The following GRID1 variants were observed in gnomAD, a reference collection of about 807,000 sequenced individuals.
GRID1 encodes the protein glutamate receptor ionotropic, delta-1.
Under a neutral mutation model 98.0 loss-of-function variants are expected in GRID1, and 28 were observed. That is an observed-to-expected ratio of 0.29 (90% CI 0.21 to 0.39). The LOEUF (loss-of-function observed/expected upper bound fraction) is 0.39. Among genes scored for constraint, GRID1 ranks in the 10% least tolerant of loss-of-function variants. The pLI is 1.00. For missense variants in GRID1, 1,111 were observed against 1,340.5 expected (o/e 0.83, Z 2.67); for synonymous variants, 553 against 538.5 (o/e 1.03, Z -0.37).
chr10:86,005,464 T>C (rs911971203), intron 4 of GRID1, among the ~76,000 whole-genome samples: 1 of 152,160 alleles, frequency 6.6e-6, no homozygotes, highest in Non-Finnish European at 1.5e-5. Context: ...GTTAATCATG[T>C]AGATTAGGTA....
intron 2 of GRID1, among the ~76,000 whole-genome samples, chr10:86,288,463 C>G (rs904279481): frequency 1.3e-5 from 2 of 152,176 alleles, no homozygotes; most frequent in African/African-American, 4.8e-5. Flanking sequence ...AGGAAGCAAC[C>G]ACACTGCTAT....
chr10:85,603,529 A>G (rs544828242), intron 15 of GRID1, among the ~76,000 whole-genome samples: 29 of 152,394 alleles, frequency 1.9e-4, no homozygotes, highest in Middle Eastern at 3.4e-3. Flanking sequence ...AAAACAAAAC[A>G]GAACAAATAT....
chr10:86,196,192 T>A (rs1328597580), intron 3 of GRID1, among the ~76,000 whole-genome samples: 2 of 151,974 alleles, frequency 1.3e-5, no homozygotes, highest in Non-Finnish European at 2.9e-5. Context: ...ACAGGTTTCC[T>A]CCATCTGCAG....
intron 2 of GRID1, among the ~76,000 whole-genome samples, chr10:86,247,056 G>C (rs114292639): frequency 0.012 from 1,883 of 152,338 alleles, 36 homozygotes; most frequent in African/African-American, 0.042. Context: ...GAACACCACA[G>C]GTGTCAGTAA....
At chr10:86,197,498 T>C (rs1845893418) in intron 3 of GRID1, among the ~76,000 whole-genome samples, 1 of 152,050 alleles carries the variant, frequency 6.6e-6, no homozygotes, top group Non-Finnish European at 1.5e-5. Context: ...CTCTCATGTG[T>C]GGAGCAAAGG....
intron 2 of GRID1, among the ~76,000 whole-genome samples, chr10:86,212,210 C>T (rs961104295): frequency 2.0e-5 from 3 of 152,210 alleles, no homozygotes; most frequent in African/African-American, 4.8e-5. Flanking sequence ...AGTCACGACA[C>T]TGGCCACTGC....
At chr10:86,014,186 C>A (rs1477619111) in intron 4 of GRID1, among the ~76,000 whole-genome samples, 3 of 152,194 alleles carry the variant, frequency 2.0e-5, no homozygotes, top group African/African-American at 7.2e-5. Context: ...AGTGAGGATG[C>A]TGTATGGAAC....
chr10:86,307,929 T>C (rs903397808), intron 2 of GRID1, among the ~76,000 whole-genome samples: 4 of 152,244 alleles, frequency 2.6e-5, no homozygotes, highest in Non-Finnish European at 5.9e-5. Flanking sequence ...ATCTACGCTC[T>C]GAACAAATTT....
intron 5 of GRID1, among the ~76,000 whole-genome samples, chr10:85,877,453 A>ACAGCCACCG (rs1564616160): frequency 6.6e-5 from 10 of 151,934 alleles, no homozygotes; most frequent in Non-Finnish European, 1.5e-4. Flanking sequence ...ACCAAAATCC[A>ACAGCCACCG]CTGTTCTACA....
At chr10:85,740,999 C>G (rs184050611) in intron 8 of GRID1, among the ~76,000 whole-genome samples, 217 of 152,212 alleles carry the variant, frequency 1.4e-3, no homozygotes, top group African/African-American at 4.9e-3. Flanking sequence ...GGTGATCCAC[C>G]CACCTCAGCC....
chr10:85,946,930 C>T lies in GRID1; in HGVS notation c.727-30691G>A, dbSNP rs1564632986. 3.9e-5 allele frequency among the ~76,000 whole-genome samples: 6 copies of T among 152,200 alleles called. 1 individual carries two copies. The highest frequency in any genetic ancestry group is 3.3e-4 in the Admixed American group (5 of 15,290). On this transcript the variant is annotated intron_variant, in intron 4 of 15. Transcript: ENST00000327946. ...TCATAAGCTCCAATGGCTCACAATG[C>T]GGAAATGTGGATGACTTGGCAAACA...
intron 4 of GRID1, among the ~76,000 whole-genome samples, chr10:86,057,899 G>T (rs992810731): frequency 6.6e-6 from 1 of 152,202 alleles, no homozygotes; most frequent in Non-Finnish European, 1.5e-5. Context: ...ACGCATGCAT[G>T]TTGATTATCT....
chr10:85,806,294 A>T lies in GRID1; in HGVS notation c.1233+48202T>A, dbSNP rs1842622527. ...TATGCCCACCAGAATGACAAAAATT[A>T]ACACAGTCATGCCAAGTGTTGGTAA... is the stretch of plus-strand genomic sequence containing the variant. On this transcript the variant is annotated intron_variant, in intron 8 of 15. Coordinates refer to ENST00000327946, the MANE Select transcript of GRID1 (RefSeq NM_017551.3). Among the ~76,000 whole-genome samples, 3 of 152,176 alleles carry T rather than the reference A, an allele frequency of 2.0e-5. No homozygotes were observed. In the South Asian group the frequency reaches 6.2e-4, roughly 31 times the overall value.
At chr10:86,350,177 G>C (rs927672522) in intron 2 of GRID1, among the ~76,000 whole-genome samples, 1 of 152,248 alleles carries the variant, frequency 6.6e-6, no homozygotes, top group Non-Finnish European at 1.5e-5. Context: ...GTGAGGTCAA[G>C]AGAAGTGGCG....
chr10:86,128,697 G>A (rs770183107), intron 4 of GRID1, among the ~76,000 whole-genome samples: 1 of 152,174 alleles, frequency 6.6e-6, no homozygotes, highest in African/African-American at 2.4e-5. Flanking sequence ...AATCCCTGAT[G>A]TCAAGCACTA....
chr10:86,340,531 A>AAGGGGTGG (rs2132109465), intron 2 of GRID1, among the ~76,000 whole-genome samples: 1 of 152,258 alleles, frequency 6.6e-6, no homozygotes, highest in South Asian at 2.1e-4. Context: ...GGGGAATATC[A>AAGGGGTGG]AGGGGTGGAG....
intron 2 of GRID1, among the ~76,000 whole-genome samples, chr10:86,281,484 A>G (rs553627269): frequency 1.3e-5 from 2 of 152,280 alleles, no homozygotes; most frequent in Non-Finnish European, 2.9e-5. Flanking sequence ...CTTCTCTCCT[A>G]CCCACTGGGC....
intron 4 of GRID1, among the ~76,000 whole-genome samples, chr10:85,962,780 T>A (rs1048005788): frequency 5.9e-5 from 9 of 152,168 alleles, no homozygotes; most frequent in African/African-American, 9.7e-5. Flanking sequence ...AACCACTCAG[T>A]ACTACCCTTC....
At chr10:85,774,468 G>A (rs1019184339) in intron 8 of GRID1, among the ~76,000 whole-genome samples, 8 of 151,952 alleles carry the variant, frequency 5.3e-5, no homozygotes, top group African/African-American at 1.9e-4. Context: ...AGCCAAAATT[G>A]ACAAATGGAA....
Sources: gnomAD v4.1 joint callset for allele counts (sites outside exome capture counted in the v4.1 genomes callset) on GRCh38, gnomAD v4.1.1 for gene constraint, MANE v1.5 for transcripts, NCBI Gene and HGNC (gene_info 2026-07-23, HGNC 2026-07-21) for gene names.